Variants in IFT56 observed in about 807,000 individuals in gnomAD.
IFT56 encodes intraflagellar transport 56.
At chr7:139,148,845 G>A in the IFT56 span, among the ~76,000 whole-genome samples, 1 of 151,934 alleles carries the variant, frequency 6.6e-6, no homozygotes, top group South Asian at 2.1e-4. Flanking sequence ...AGGTTTCAGT[G>A]AGCCGAGATT....
At chr7:139,189,419 G>T in the IFT56 span, 1 of 1,612,288 alleles carries the variant, frequency 6.2e-7, no homozygotes, top group Non-Finnish European at 8.5e-7. Context: ...AAAGAAAACA[G>T]AGTGTCCATC....
the IFT56 span, chr7:139,134,004 G>A: frequency 1.0e-6 from 1 of 971,194 alleles, no homozygotes; most frequent in Non-Finnish European, 1.6e-6. Context: ...CGGGGGACAG[G>A]GATGCAACTG....
the IFT56 span, among the ~76,000 whole-genome samples, chr7:139,151,454 G>A: frequency 9.2e-5 from 14 of 152,288 alleles, 2 homozygotes; most frequent in African/African-American, 1.9e-4. Flanking sequence ...AAACTGGCAC[G>A]GCCTCTAGGG....
chr7:139,162,703 G>A, the IFT56 span, among the ~76,000 whole-genome samples: 1 of 152,330 alleles, frequency 6.6e-6, no homozygotes, highest in East Asian at 1.9e-4. Context: ...GCTCATGCCT[G>A]TAATCCCAGC....
chr7:139,187,630 AC>A, the IFT56 span: 12 of 1,466,194 alleles, frequency 8.2e-6, no homozygotes, highest in Non-Finnish European at 1.0e-5. Flanking sequence ...TTCTGAAAAC[AC>A]ATGATTATAA....
the IFT56 span, among the ~76,000 whole-genome samples, chr7:139,188,646 A>G: frequency 6.6e-6 from 1 of 152,252 alleles, no homozygotes; most frequent in Non-Finnish European, 1.5e-5. Context: ...GAAGACTCTT[A>G]AGCAAATAGG....
the IFT56 span, chr7:139,189,445 G>A: frequency 6.5e-3 from 10,202 of 1,568,122 alleles, 308 homozygotes; most frequent in East Asian, 0.088. Flanking sequence ...TAGCGCCAGC[G>A]TCCTAGGAAC....
At chr7:139,147,205 C>T in the IFT56 span, 5 of 1,613,498 alleles carry the variant, frequency 3.1e-6, no homozygotes, top group South Asian at 1.1e-5. Flanking sequence ...CACAGAAGAT[C>T]AACTCAGTTT....
At chr7:139,183,931 A>C in the IFT56 span, among the ~76,000 whole-genome samples, 2,938 of 152,312 alleles carry the variant, frequency 0.019, 77 homozygotes, top group African/African-American at 0.066. Context: ...ATGGAATACT[A>C]CTCAGTAATA....
chr7:139,168,567 G>C, the IFT56 span: 55 of 376,090 alleles, frequency 1.5e-4, no homozygotes, highest in Non-Finnish European at 1.1e-4. Flanking sequence ...GTTATTTAGA[G>C]ACAAAAAAAA....
chr7:139,172,864 GTC>G, the IFT56 span: 3 of 686,992 alleles, frequency 4.4e-6, no homozygotes, highest in Non-Finnish European at 8.3e-6. Flanking sequence ...CTTGCTAGGA[GTC>G]AGAGGAATAG....
chr7:139,173,303 C>T, the IFT56 span: 2 of 418,506 alleles, frequency 4.8e-6, no homozygotes, highest in Non-Finnish European at 4.2e-6. Flanking sequence ...TCTCGGCTCA[C>T]TGCAACCTCT....
chr7:139,188,085 C>CTT, the IFT56 span, among the ~76,000 whole-genome samples: 1 of 137,652 alleles, frequency 7.3e-6, no homozygotes, highest in Non-Finnish European at 1.6e-5. Flanking sequence ...TATACTTTTT[C>CTT]TTTTTTTTTT....
chr7:139,165,602 AG>A, the IFT56 span, among the ~76,000 whole-genome samples: 1 of 151,956 alleles, frequency 6.6e-6, no homozygotes, highest in Non-Finnish European at 1.5e-5. Flanking sequence ...TTTTGAAAAA[AG>A]TATTAACTGT....
At chr7:139,162,139 G>C in the IFT56 span, among the ~76,000 whole-genome samples, 1 of 152,110 alleles carries the variant, frequency 6.6e-6, no homozygotes, top group Non-Finnish European at 1.5e-5. Flanking sequence ...ATCAACAAAT[G>C]AAACAAGAAA....
the IFT56 span, among the ~76,000 whole-genome samples, chr7:139,170,141 A>G: frequency 6.6e-6 from 1 of 152,208 alleles, no homozygotes; most frequent in Non-Finnish European, 1.5e-5. Context: ...GACACATACA[A>G]CCAACCAAGA....
chr7:139,135,203 C>G, the IFT56 span, among the ~76,000 whole-genome samples: 4 of 142,352 alleles, frequency 2.8e-5, no homozygotes, highest in Admixed American at 1.5e-4. Context: ...CGCTTGAACC[C>G]GGGAGGCGGA....
At chr7:139,158,428 A>G in the IFT56 span, among the ~76,000 whole-genome samples, 1 of 152,050 alleles carries the variant, frequency 6.6e-6, no homozygotes, top group Non-Finnish European at 1.5e-5. Flanking sequence ...ATCATTAAGT[A>G]TGATGTTTAA....
At chr7:139,134,919 C>T in the IFT56 span, 1 of 913,358 alleles carries the variant, frequency 1.1e-6, no homozygotes, top group Non-Finnish European at 1.6e-6. Flanking sequence ...TACAAATCCC[C>T]TGTAAATCTA....
Sources: allele counts gnomAD v4.1 joint callset (sites outside exome capture counted in the v4.1 genomes callset), GRCh38; gene constraint gnomAD v4.1.1; transcripts MANE v1.5; gene names NCBI Gene and HGNC (gene_info 2026-07-23, HGNC 2026-07-21).